The following MARK1 variants were observed in gnomAD, a reference collection of about 807,000 sequenced individuals.
MARK1 encodes serine/threonine-protein kinase MARK1.
A neutral mutation model predicts 96.3 loss-of-function variants in MARK1; 40 were observed. The observed-to-expected ratio is 0.42, with a 90% CI of 0.32 to 0.54. The LOEUF is 0.54. Ranked by LOEUF, MARK1 falls within the 20% of genes least tolerant of loss-of-function variation. MARK1 has a pLI of 0.16. For missense variants in MARK1, 719 were observed against 984.6 expected, an observed-to-expected ratio of 0.73 and a Z score of 3.61; for synonymous variants, 317 against 341.2, an observed-to-expected ratio of 0.93 and a Z score of 0.78.
Position 220,662,184 on chromosome 1 carries a change from G to A in MARK1, c.*18G>A. On this transcript the variant is annotated 3_prime_UTR_variant, in exon 18 of 18. Transcript: ENST00000366917. ...AGCTGTAAAGAAGTCCAAATTTACA[G>A]GTTCAGGGAAGATACATACATATAT... 1 of 1,577,368 alleles carries A rather than the reference G, an allele frequency of 6.3e-7. No individual in the cohort carries two copies. Among genetic ancestry groups the A allele is most frequent in the Non-Finnish European group, 8.6e-7 (1 of 1,156,238 alleles).
intron 1 of MARK1, among the ~76,000 whole-genome samples, chr1:220,561,101 T>C (rs541394027): frequency 6.8e-6 from 1 of 146,284 alleles, no homozygotes; most frequent in East Asian, 2.2e-4. Flanking sequence ...CCCTGACATA[T>C]AACCTGAGTA....
chr1:220,557,680 A>G (rs1045310196), intron 1 of MARK1, among the ~76,000 whole-genome samples: 4 of 152,218 alleles, frequency 2.6e-5, no homozygotes, highest in African/African-American at 9.6e-5. Context: ...CAGAATTTAG[A>G]GGAAAGAAGT....
At chr1:220,657,570 A>G (rs1344368476) in intron 16 of MARK1, among the ~76,000 whole-genome samples, 2 of 152,216 alleles carry the variant, frequency 1.3e-5, no homozygotes, top group African/African-American at 2.4e-5. Flanking sequence ...CTTTCACCTC[A>G]TATTGCCTCT....
rs1553311290 is a variant in MARK1, at chr1:220,533,012, TAA to T, written c.51+4149_51+4150del. On this transcript the variant is annotated intron_variant, in intron 1 of 17. Coordinates refer to ENST00000366917, the MANE Select transcript of MARK1 (RefSeq NM_018650.5). ...GTGACAGAGTGTGAACCCTTTTTTT[TAA>T]AAAAAAAAATAGATTTTAGAAGAGC... Among the ~76,000 whole-genome samples the T allele has an allele frequency of 1.0e-3, 150 of 150,572 alleles. 2 individuals carry two copies. The highest frequency in any genetic ancestry group is 3.5e-3 in the African/African-American group (142 of 40,954).
At chr1:220,592,347 C>G (rs909931267) in intron 3 of MARK1, among the ~76,000 whole-genome samples, 4 of 151,620 alleles carry the variant, frequency 2.6e-5, no homozygotes, top group African/African-American at 7.3e-5. Context: ...TTGGAGAAGT[C>G]CACTTGGCAA....
chr1:220,577,208 A>T (rs1270906721), intron 1 of MARK1, among the ~76,000 whole-genome samples: 2 of 152,142 alleles, frequency 1.3e-5, no homozygotes, highest in Non-Finnish European at 2.9e-5. Context: ...TTGAGGCTGC[A>T]GTGAGCAGTG....
chr1:220,550,703 T>G (rs980018374), intron 1 of MARK1, among the ~76,000 whole-genome samples: 4 of 152,250 alleles, frequency 2.6e-5, no homozygotes, highest in Non-Finnish European at 4.4e-5. Flanking sequence ...TCATCTTTCT[T>G]AAAGTAATGC....
At chr1:220,621,637 T>G (rs891184788) in intron 9 of MARK1, among the ~76,000 whole-genome samples, 1 of 152,088 alleles carries the variant, frequency 6.6e-6, no homozygotes, top group African/African-American at 2.4e-5. Context: ...TTGTACCAAC[T>G]TTGTATATTT....
At chr1:220,661,407 A>G (rs1669475593) in intron 17 of MARK1, among the ~76,000 whole-genome samples, 1 of 152,214 alleles carries the variant, frequency 6.6e-6, no homozygotes, top group South Asian at 2.1e-4. Context: ...CCTCCTATCC[A>G]AAAAGGCAGA....
Position 220,528,758 on chromosome 1 carries a change from C to A in MARK1, c.-65C>A. 3 of 1,475,600 alleles carry A rather than the reference C, an allele frequency of 2.0e-6. No individual in the cohort carries two copies. The highest frequency in any genetic ancestry group is 2.8e-6 in the Non-Finnish European group (3 of 1,090,052). 91.4% of individuals were successfully genotyped at this position (1,475,600 alleles called of 1,614,324 possible). On this transcript the variant is annotated 5_prime_UTR_variant, in exon 1 of 18. Transcript: ENST00000366917. ...TCGCGTCCGCACCCCTTTCCTGTCG[C>A]CCCCCGGGGCCCGCACCACAGCCCG...
At chr1:220,601,178 A>G (rs1401262674) in intron 5 of MARK1, among the ~76,000 whole-genome samples, 7 of 152,116 alleles carry the variant, frequency 4.6e-5, no homozygotes, top group Admixed American at 4.6e-4. Flanking sequence ...TTGGCCTCCC[A>G]AAGTGCTGGG....
At chr1:220,627,578 A>C (rs1667422739) in intron 9 of MARK1, 1 of 301,956 alleles carries the variant, frequency 3.3e-6, no homozygotes, top group African/African-American at 2.2e-5. Flanking sequence ...CCCAGGGACT[A>C]GACAGAAACC....
chr1:220,616,323 A>G (rs1249592978), intron 7 of MARK1, among the ~76,000 whole-genome samples: 5 of 152,214 alleles, frequency 3.3e-5, no homozygotes, highest in Admixed American at 3.3e-4. Context: ...GCACAGACCC[A>G]TGTTTCCCTT....
chr1:220,623,833 T>A (rs1040817400), intron 9 of MARK1, among the ~76,000 whole-genome samples: 1 of 152,218 alleles, frequency 6.6e-6, no homozygotes, highest in Non-Finnish European at 1.5e-5. Context: ...TCACTGTTCC[T>A]CACATCCTTC....
chr1:220,573,457 G>A (rs1360822883), intron 1 of MARK1, among the ~76,000 whole-genome samples: 1 of 152,084 alleles, frequency 6.6e-6, no homozygotes, highest in African/African-American at 2.4e-5. Flanking sequence ...CTGAGTAGCG[G>A]GGACTACAGG....
chr1:220,584,375 G>A (rs779959591), intron 3 of MARK1, among the ~76,000 whole-genome samples: 11 of 152,162 alleles, frequency 7.2e-5, no homozygotes, highest in East Asian at 1.9e-4. Context: ...TGACTGCTGC[G>A]CTAAAGTTTT....
chr1:220,535,813 T>G (rs1464375778), intron 1 of MARK1, among the ~76,000 whole-genome samples: 1 of 152,166 alleles, frequency 6.6e-6, no homozygotes, highest in East Asian at 1.9e-4. Flanking sequence ...TTGAAAATCA[T>G]TTGACTGTGT....
intron 3 of MARK1, among the ~76,000 whole-genome samples, chr1:220,584,781 A>G (rs970290843): frequency 9.2e-5 from 14 of 152,244 alleles, no homozygotes; most frequent in African/African-American, 3.1e-4. Flanking sequence ...ATTGACAAAT[A>G]TTTTTATCAA....
rs913705022 is a variant in MARK1, at chr1:220,528,883, C to T, written c.51+10C>T. 5.1e-6 allele frequency: 8 copies of T among 1,564,328 alleles called. No individual in the cohort carries two copies. In the African/African-American group the frequency reaches 5.5e-5, roughly 11 times the overall value. ...GCGGGACACGGAAAATGTGAGTAAC[C>T]GGAGCCTCCCTCGGGAGCAGTGGGG... On this transcript the variant is annotated intron_variant, in intron 1 of 17. Transcript: ENST00000366917.
Sources: allele counts gnomAD v4.1 joint callset (sites outside exome capture counted in the v4.1 genomes callset), GRCh38; gene constraint gnomAD v4.1.1; transcripts MANE v1.5; gene names NCBI Gene and HGNC (gene_info 2026-07-23, HGNC 2026-07-21).